TAS2R1: variants seen among roughly 807,000 people sequenced by gnomAD.
The protein encoded by TAS2R1 is taste receptor type 2 member 1.
For synonymous variants in TAS2R1, 141 were observed against 134.2 expected, an observed-to-expected ratio of 1.05 and a Z score of -0.35; for missense variants, 370 against 353.4, an observed-to-expected ratio of 1.05 and a Z score of -0.38.
chr5:9,693,547 A>AAAAAAAG (rs1554054255), intron 1 of TAS2R1, among the ~76,000 whole-genome samples: 4 of 136,794 alleles, frequency 2.9e-5, no homozygotes, highest in Admixed American at 8.2e-5. Context: ...AAAAAAAAAA[A>AAAAAAAG]AGAGAGAGAA....
the TAS2R1 span, among the ~76,000 whole-genome samples, chr5:9,819,501 C>A: frequency 5.6e-4 from 85 of 152,298 alleles, no homozygotes; most frequent in Middle Eastern, 3.4e-3. Flanking sequence ...AAAAACACTA[C>A]GTCTTGGGCT....
At chr5:9,791,705 GA>G in the TAS2R1 span, among the ~76,000 whole-genome samples, 1 of 152,078 alleles carries the variant, frequency 6.6e-6, no homozygotes, top group African/African-American at 2.4e-5. Flanking sequence ...TCTAAAAAAA[GA>G]AAGAAAAGAA....
chr5:9,706,096 G>C (rs958039433), intron 1 of TAS2R1, among the ~76,000 whole-genome samples: 8 of 152,144 alleles, frequency 5.3e-5, no homozygotes, highest in African/African-American at 1.7e-4. Context: ...ACAATGTTCT[G>C]ATCTCCATCA....
rs1172997915 is a variant in TAS2R1 at position 9,707,637 on chromosome 5, C to T, written c.-242+4535G>A. On this transcript the variant is annotated intron_variant, in intron 1 of 2. Transcript: ENST00000506620. ...AGCAGAGGTTGCAGTGAGCTGACATCGCACCACTGCACTCTAGCCTGGGCG... is the reference window on the plus strand; with the variant it reads ...AGCAGAGGTTGCAGTGAGCTGACATTGCACCACTGCACTCTAGCCTGGGCG... Among the ~76,000 whole-genome samples the T allele has an allele frequency of 2.6e-5, 4 of 152,116 alleles. 1 individual carries two copies. The highest frequency in any genetic ancestry group is 4.2e-4 in the South Asian group (2 of 4,808).
the TAS2R1 span, among the ~76,000 whole-genome samples, chr5:9,869,756 T>C: frequency 2.6e-5 from 4 of 152,262 alleles, no homozygotes; most frequent in African/African-American, 7.2e-5. Context: ...CTTTGCCCTA[T>C]GTGCCTTTTC....
the TAS2R1 span, among the ~76,000 whole-genome samples, chr5:9,836,839 T>C: frequency 6.6e-6 from 1 of 152,146 alleles, no homozygotes; most frequent in African/African-American, 2.4e-5. Context: ...CATTGCAAGA[T>C]TTTGCTTATT....
the TAS2R1 span, among the ~76,000 whole-genome samples, chr5:9,809,645 A>C: frequency 0.79 from 119,666 of 151,540 alleles, 47,554 homozygotes; most frequent in East Asian, 0.87. Flanking sequence ...TTGTAGCAGA[A>C]TGAACAGATG....
At chr5:9,687,419 G>C (rs1006401312) in intron 1 of TAS2R1, among the ~76,000 whole-genome samples, 2 of 152,154 alleles carry the variant, frequency 1.3e-5, no homozygotes, top group African/African-American at 4.8e-5. Flanking sequence ...AGATTAAAAA[G>C]TGTGAGGTGT....
chr5:9,692,803 T>C (rs1741274800), intron 1 of TAS2R1, among the ~76,000 whole-genome samples: 1 of 152,204 alleles, frequency 6.6e-6, no homozygotes, highest in Admixed American at 6.5e-5. Context: ...GATTTGCTGA[T>C]CTCCTCTTTG....
intron 2 of TAS2R1, among the ~76,000 whole-genome samples, chr5:9,646,926 G>C (rs779494903): frequency 6.6e-6 from 1 of 152,102 alleles, no homozygotes; most frequent in Non-Finnish European, 1.5e-5. Flanking sequence ...TCATCTTTAG[G>C]AAGTCATTGC....
At chr5:9,899,750 C>CT in the TAS2R1 span, among the ~76,000 whole-genome samples, 1 of 151,946 alleles carries the variant, frequency 6.6e-6, no homozygotes, top group Non-Finnish European at 1.5e-5. Flanking sequence ...CTTTAAAGTG[C>CT]TTTTTTTCTC....
chr5:9,631,019 C>T (rs919279237), upstream of TAS2R1, among the ~76,000 whole-genome samples: 1 of 152,090 alleles, frequency 6.6e-6, no homozygotes, highest in Admixed American at 6.6e-5. Context: ...CTGTCCTGTG[C>T]AATCTAGGAA....
intron 1 of TAS2R1, among the ~76,000 whole-genome samples, chr5:9,695,220 A>G (rs1305201946): frequency 1.3e-5 from 2 of 152,228 alleles, no homozygotes; most frequent in Non-Finnish European, 2.9e-5. Flanking sequence ...TAGTAATAAC[A>G]TGATTACTGT....
chr5:9,718,190 T>C, the TAS2R1 span, among the ~76,000 whole-genome samples: 2 of 151,810 alleles, frequency 1.3e-5, no homozygotes, highest in Non-Finnish European at 2.9e-5. Flanking sequence ...AGGATCGTCT[T>C]GATCTCCTGA....
At chr5:9,834,221 A>G in the TAS2R1 span, among the ~76,000 whole-genome samples, 1 of 152,312 alleles carries the variant, frequency 6.6e-6, no homozygotes, top group African/African-American at 2.4e-5. Flanking sequence ...TGGGATCCCA[A>G]CTGCCTGGGT....
chr5:9,657,517 G>T (rs928030309), intron 2 of TAS2R1, among the ~76,000 whole-genome samples: 13 of 152,162 alleles, frequency 8.5e-5, no homozygotes, highest in African/African-American at 3.1e-4. Context: ...GATTGAAAGT[G>T]ATCTGAAAAA....
At chr5:9,797,930 A>C in the TAS2R1 span, among the ~76,000 whole-genome samples, 154 of 152,344 alleles carry the variant, frequency 1.0e-3, no homozygotes, top group African/African-American at 3.4e-3. Flanking sequence ...TTGCCTCCAA[A>C]GATGTGTATA....
At chr5:9,744,164 AT>A in the TAS2R1 span, among the ~76,000 whole-genome samples, 2 of 152,018 alleles carry the variant, frequency 1.3e-5, no homozygotes, top group Non-Finnish European at 2.9e-5. Context: ...CCTTCTTTGA[AT>A]TTCTAAAGGC....
chr5:9,713,772 A>T (rs1734749493), upstream of TAS2R1: 1 of 152,194 alleles, frequency 6.6e-6, no homozygotes, highest in African/African-American at 2.4e-5. Context: ...AACAGGAGAA[A>T]TTGATCACTT....
Sources: allele counts gnomAD v4.1 joint callset (sites outside exome capture counted in the v4.1 genomes callset), GRCh38; gene constraint gnomAD v4.1.1; transcripts MANE v1.5; gene names NCBI Gene and HGNC (gene_info 2026-07-23, HGNC 2026-07-21).